Variants in TACC2 observed in about 807,000 individuals in gnomAD.
The protein encoded by TACC2 is transforming acidic coiled-coil containing protein 2, also known as transforming acidic coiled-coil-containing protein 2.
TACC2 carries 137 observed loss-of-function variants against 227.3 expected under a neutral mutation model. The observed-to-expected ratio is 0.60, with a 90% CI of 0.52 to 0.69. The LOEUF (loss-of-function observed/expected upper bound fraction) is 0.69, where lower values mean the gene tolerates loss of function less well. Ranked by LOEUF, TACC2 falls within the 30% of genes least tolerant of loss-of-function variation. The probability of loss-of-function intolerance (pLI) is 0.00; values close to 1 mark genes in which losing one functional copy is unlikely to be tolerated. For synonymous variants in TACC2, 1,523 were observed against 1,487.5 expected (o/e 1.02, Z -0.55); for missense variants, 3,470 against 3,694.4 (o/e 0.94, Z 1.57).
intron 1 of TACC2, among the ~76,000 whole-genome samples, chr10:122,015,953 T>TAAA (rs11401777): frequency 0.14 from 20,694 of 147,738 alleles, 1,491 homozygotes; most frequent in East Asian, 0.17. Context: ...CCCAAAATGT[T>TAAA]AAAAAAAAAA....
In TACC2 at chr10:122,059,158, C is replaced by T. The variant is rs985763116; in HGVS notation, c.146+8608C>T. ...GTCTCGAACTCCTGACCTTGTGATC[C>T]GCCCGCCTCAGCCTCCCAAAGTGCT... On this transcript the variant is annotated intron_variant, in intron 3 of 22. Transcript: ENST00000369005. 1.5e-3 allele frequency among the ~76,000 whole-genome samples: 223 copies of T among 151,370 alleles called. 1 individual carries two copies. The highest frequency in any genetic ancestry group is 2.5e-3 in the Non-Finnish European group (169 of 67,862).
rs1054002665 is a variant in TACC2 at position 122,086,108 on chromosome 10, T to C, written c.3608T>C (p.Ile1203Thr). 6.2e-6 allele frequency: 10 copies of C among 1,613,606 alleles called. No individual in the cohort carries two copies. Among genetic ancestry groups the C allele is most frequent in the Non-Finnish European group, 6.8e-6 (8 of 1,180,002 alleles). ...ALLPARELGG[I>T]PRSTMDFSTH... is the part of the protein sequence containing the mutation. ...CTGCCAGCCAGAGAGCTGGGTGGGA[T>C]TCCCAGGAGCACCATGGATTTTTCT... The change falls in exon 4 of 23, where the codon ATT becomes ACT. Residue 1203 changes from isoleucine (I) to threonine (T), a missense_variant. Ile to Thr is a moderately conservative substitution (Grantham distance 89). Transcript: ENST00000369005.
At chr10:122,020,863 T>G (rs17102867) in intron 1 of TACC2, among the ~76,000 whole-genome samples, 1 of 152,072 alleles carries the variant, frequency 6.6e-6, no homozygotes, top group Non-Finnish European at 1.5e-5. Flanking sequence ...CAGCGTCTTA[T>G]GGAATTCAGT....
At position 121,992,343 on chromosome 10, in the gene TACC2, G is replaced by T. The variant is rs1216748793; in HGVS notation, c.-46+2855G>T. ...TGAAGGTTTTAAGAGCCGAAAAAGT[G>T]CTAATGTGAAAACACGCCACATGGT... is the stretch of plus-strand genomic sequence containing the variant. On this transcript the variant is annotated intron_variant, in intron 1 of 22. Transcript: ENST00000369005. Among the ~76,000 whole-genome samples, 5 of 152,312 alleles carry T rather than the reference G, an allele frequency of 3.3e-5. No homozygotes were observed. In the South Asian group the frequency reaches 6.2e-4, roughly 19 times the overall value.
intron 7 of TACC2, among the ~76,000 whole-genome samples, chr10:122,176,454 A>G (rs1414195030): frequency 1.3e-5 from 2 of 152,106 alleles, no homozygotes; most frequent in Non-Finnish European, 2.9e-5. Flanking sequence ...AGGCTCCCAC[A>G]GGGGAGTTGT....
chr10:122,042,710 G>A (rs1412286231), intron 2 of TACC2, among the ~76,000 whole-genome samples: 1 of 152,110 alleles, frequency 6.6e-6, no homozygotes, highest in East Asian at 1.9e-4. Flanking sequence ...CTGCAGTTAT[G>A]ACCCCCATTC....
rs538762708 is a variant in TACC2, at chr10:122,030,809, G to C, written c.33+8795G>C. Among the ~76,000 whole-genome samples, 12 of 152,190 alleles carry C rather than the reference G, an allele frequency of 7.9e-5. No individual in the cohort carries two copies. The South Asian group carries it at 1.7e-3, about 21-fold the overall frequency. On this transcript the variant is annotated intron_variant, in intron 2 of 22. Transcript: ENST00000369005. ...AGAAACAAGTAGGAATGAAGCATGG[G>C]TGTGTCTGGCTGTGGGACTCAGGGC...
intron 7 of TACC2, chr10:122,163,714 C>A: frequency 1.8e-6 from 2 of 1,138,270 alleles, no homozygotes; most frequent in Non-Finnish European, 2.2e-6. Flanking sequence ...CGCGCGCACA[C>A]ATACGCGGCG....
chr10:122,126,344 G>GTGTGTGTGTGTGTGTTTGA (rs1555053336), intron 5 of TACC2, among the ~76,000 whole-genome samples: 3 of 149,796 alleles, frequency 2.0e-5, no homozygotes, highest in Non-Finnish European at 4.4e-5. Context: ...GTGTGTGTGT[G>GTGTGTGTGTGTGTGTTTGA]TGTTTGATGT....
intron 8 of TACC2, among the ~76,000 whole-genome samples, chr10:122,200,042 A>T (rs1308425263): frequency 2.0e-5 from 3 of 152,246 alleles, no homozygotes; most frequent in Admixed American, 2.0e-4. Flanking sequence ...GGACCAGAGC[A>T]CACAGCAAGC....
chr10:122,155,425 A>C (rs772111456), intron 7 of TACC2, among the ~76,000 whole-genome samples: 14 of 152,104 alleles, frequency 9.2e-5, no homozygotes, highest in Non-Finnish European at 1.9e-4. Flanking sequence ...GCGACATCAA[A>C]CCTCTTTAAA....
intron 7 of TACC2, among the ~76,000 whole-genome samples, chr10:122,161,457 A>G (rs1231873541): frequency 2.0e-5 from 3 of 152,150 alleles, no homozygotes; most frequent in Admixed American, 6.5e-5. Context: ...ATGGTATTTA[A>G]TTTACTTTTT....
chr10:122,083,189 C>G lies in TACC2; in HGVS notation c.689C>G (p.Ala230Gly), dbSNP rs777991788. Residue 230 changes from alanine (A) to glycine (G), a missense_variant, in exon 4 of 23, where the codon GCT becomes GGT. Physicochemically the swap from Ala to Gly is moderately conservative, Grantham distance 60. Coordinates refer to ENST00000369005, the MANE Select transcript of TACC2 (RefSeq NM_206862.4). Reference protein sequence around the residue: ...PGGFESQEKEAAGGFPPAESR... With the variant: ...PGGFESQEKEGAGGFPPAESR... ...GGTTTTGAGTCCCAAGAGAAAGAGG[C>G]TGCAGGTGGCTTTCCCCCTGCAGAG... 6.2e-7 allele frequency: 1 copy of G among 1,613,386 alleles called. No individual in the cohort carries two copies. The highest frequency in any genetic ancestry group is 1.7e-5 in the Admixed American group (1 of 60,018).
At chr10:122,076,601 A>C (rs1198939696) in intron 3 of TACC2, among the ~76,000 whole-genome samples, 1 of 152,154 alleles carries the variant, frequency 6.6e-6, no homozygotes, top group Non-Finnish European at 1.5e-5. Flanking sequence ...GTACTTTATA[A>C]TTAGTCACAA....
chr10:122,082,523 A>T, intron 3 of TACC2, 124 bp from the exon 4 acceptor site: 1 of 987,448 alleles, frequency 1.0e-6, no homozygotes, highest in Non-Finnish European at 1.5e-6. Context: ...CTGCATGAGG[A>T]TGCTGTGTCT....
At chr10:122,038,226 G>A (rs1312513489) in intron 2 of TACC2, among the ~76,000 whole-genome samples, 5 of 152,082 alleles carry the variant, frequency 3.3e-5, no homozygotes, top group Admixed American at 3.3e-4. Context: ...CCAAGATGGC[G>A]CCACTGCACT....
chr10:122,013,180 A>G (rs3750838), intron 1 of TACC2, among the ~76,000 whole-genome samples: 69,567 of 151,938 alleles, frequency 0.46, 16,087 homozygotes, highest in South Asian at 0.62. Context: ...CAGCCCTGAT[A>G]TTCTACAAGA....
At position 122,199,416 on chromosome 10, in the gene TACC2, T is replaced by A. The variant is rs76005436; in HGVS notation, c.5971+4240T>A. Among the ~76,000 whole-genome samples the A allele has an allele frequency of 4.3e-3, 656 of 152,334 alleles. 4 individuals carry two copies. Among genetic ancestry groups the A allele is most frequent in the Middle Eastern group, 0.01 (3 of 294 alleles). ...CCGCCTCTGGTTTTCGTATACACTG[T>A]CACCTGCTTTTGTCTCCAAAGAGGC... On this transcript the variant is annotated intron_variant, in intron 8 of 22. Coordinates refer to ENST00000369005, the MANE Select transcript of TACC2 (RefSeq NM_206862.4).
chr10:122,167,684 T>C (rs2093252851), intron 7 of TACC2, among the ~76,000 whole-genome samples: 1 of 152,184 alleles, frequency 6.6e-6, no homozygotes, highest in African/African-American at 2.4e-5. Flanking sequence ...ACTCTGATCC[T>C]GCCCCTCCTG....
Sources: gnomAD v4.1 joint callset for allele counts (sites outside exome capture counted in the v4.1 genomes callset) on GRCh38, gnomAD v4.1.1 for gene constraint, MANE v1.5 for transcripts, NCBI Gene and HGNC (gene_info 2026-07-23, HGNC 2026-07-21) for gene names.